The following PSPC1 variants were observed in gnomAD, a reference collection of about 807,000 sequenced individuals.
PSPC1 encodes paraspeckle protein 1.
A neutral mutation model predicts 51.6 loss-of-function variants in PSPC1; 14 were observed. That is an observed-to-expected ratio of 0.27 (90% confidence interval 0.18 to 0.42). PSPC1 has a LOEUF of 0.42. Among genes scored for constraint, PSPC1 ranks in the 10% least tolerant of loss-of-function variants. PSPC1 has a pLI of 1.00. For missense variants in PSPC1, 406 were observed against 701.1 expected (o/e 0.58, Z 4.75); for synonymous variants, 193 against 231.9 (o/e 0.83, Z 1.53).
At chr13:19,743,767 C>T (rs1004205185) in intron 4 of PSPC1, among the ~76,000 whole-genome samples, 2 of 152,090 alleles carry the variant, frequency 1.3e-5, no homozygotes, top group Admixed American at 6.6e-5. Flanking sequence ...TTATTTCGAA[C>T]CTTTATAACA....
intron 6 of PSPC1, among the ~76,000 whole-genome samples, chr13:19,727,651 T>C (rs560971602): frequency 6.6e-6 from 1 of 152,336 alleles, no homozygotes; most frequent in Non-Finnish European, 1.5e-5. Flanking sequence ...ATTTTTCCCA[T>C]AAAGACTGGT....
intron 5 of PSPC1, among the ~76,000 whole-genome samples, chr13:19,736,422 G>T (rs534668521): frequency 4.6e-5 from 7 of 152,144 alleles, no homozygotes; most frequent in Admixed American, 3.3e-4. Context: ...AGTGGCTCAA[G>T]CCTGTAATCC....
intron 6 of PSPC1, among the ~76,000 whole-genome samples, chr13:19,692,556 A>T (rs1878696143): frequency 6.6e-6 from 1 of 152,128 alleles, no homozygotes; most frequent in South Asian, 2.1e-4. Context: ...TACCAGGCGG[A>T]TTTTCCAAAG....
chr13:19,709,546 C>T lies in PSPC1; in HGVS notation c.1212G>A (p.Met404Ile), dbSNP rs375228226. The change falls in exon 7 of 9, where the codon ATG becomes ATA. Residue 404 changes from methionine to isoleucine, a missense_variant. Met to Ile is a conservative substitution (Grantham distance 10). This residue lies in a region of PSPC1 where 61 missense variants were observed against 78.4 expected (regional missense o/e 0.78). Transcript: ENST00000338910. ...CCTTTTGCTTCAAATCCCTACCTCCCATGTTTATTGCTCCACGGGGACCCA... is the reference window on the plus strand; with the variant it reads ...CCTTTTGCTTCAAATCCCTACCTCCTATGTTTATTGCTCCACGGGGACCCA... Reference protein sequence around the residue: ...GDMGPRGAINMGDAFSPAPAG... With the variant: ...GDMGPRGAINIGDAFSPAPAG... 1 of 1,611,740 alleles carries T rather than the reference C, an allele frequency of 6.2e-7. No homozygotes were observed. Among genetic ancestry groups the T allele is most frequent in the African/African-American group, 1.3e-5 (1 of 74,876 alleles).
intron 7 of PSPC1, among the ~76,000 whole-genome samples, chr13:19,709,229 G>A (rs1024187848): frequency 4.0e-5 from 6 of 149,972 alleles, no homozygotes; most frequent in African/African-American, 1.5e-4. Context: ...AGACAGAGCT[G>A]TATTACACAA....
At chr13:19,728,645 T>C (rs1277552931) in intron 6 of PSPC1, among the ~76,000 whole-genome samples, 1 of 152,218 alleles carries the variant, frequency 6.6e-6, no homozygotes, top group African/African-American at 2.4e-5. Context: ...TTCATTCATA[T>C]TGCTTTTAGT....
intron 6 of PSPC1, among the ~76,000 whole-genome samples, chr13:19,680,994 G>C (rs1407407096): frequency 6.6e-6 from 1 of 152,194 alleles, no homozygotes; most frequent in Non-Finnish European, 1.5e-5. Context: ...GACACAGGAG[G>C]ACTGCTTGAG....
intron 6 of PSPC1, among the ~76,000 whole-genome samples, chr13:19,709,937 A>G (rs1391557664): frequency 1.4e-4 from 21 of 152,230 alleles, no homozygotes; most frequent in African/African-American, 4.6e-4. Context: ...TCTAGTAATG[A>G]TAACCACCAG....
At chr13:19,734,484 T>C (rs1223993537) in intron 5 of PSPC1, among the ~76,000 whole-genome samples, 1 of 152,194 alleles carries the variant, frequency 6.6e-6, no homozygotes, top group Non-Finnish European at 1.5e-5. Flanking sequence ...AAGGGCTTTA[T>C]AATAATTCGC....
At position 19,730,273 on chromosome 13, in the gene PSPC1, T is replaced by G. The variant is rs1883880898; in HGVS notation, c.1124A>C (p.Gln375Pro). Residue 375 changes from glutamine (Q) to proline (P), a missense_variant, in exon 6 of 9, where the codon CAG becomes CCG. By Grantham distance (76) the Gln-to-Pro change is moderately conservative (BLOSUM62 -1). Around this residue, in one of 5 missense-constraint regions of PSPC1, gnomAD observed 61 missense variants for 78.4 expected, o/e 0.78. Transcript: ENST00000338910. ...GTAGTTTGGCTTAAAGCCCTCTTGC[T>G]GTCGCCTCAGTTCCTCCTGTTCTCT... ...RHREQEELRR[Q>P]QEGFKPNYME... The G allele has an allele frequency of 6.2e-7, 1 of 1,614,076 alleles. No homozygotes were observed.
At chr13:19,687,197 T>A (rs1877993617) in intron 6 of PSPC1, among the ~76,000 whole-genome samples, 1 of 151,868 alleles carries the variant, frequency 6.6e-6, no homozygotes, top group South Asian at 2.1e-4. Context: ...TAAGACTCCA[T>A]CTCAAAAAAT....
chr13:19,679,922 C>T (rs1877085490), intron 6 of PSPC1, among the ~76,000 whole-genome samples: 1 of 152,210 alleles, frequency 6.6e-6, no homozygotes, highest in East Asian at 1.9e-4. Flanking sequence ...TATGTGAATA[C>T]TCAATTTATA....
chr13:19,672,108 T>TA, downstream of PSPC1: 1 of 551,138 alleles, frequency 1.8e-6, no homozygotes, highest in South Asian at 2.6e-5. Context: ...ACAATGTGGA[T>TA]AGTACATATG....
chr13:19,730,965 C>CAAAA lies in PSPC1; in HGVS notation c.1053-625_1053-622dup, dbSNP rs56753561. Among the ~76,000 whole-genome samples, 138 of 37,316 alleles carry CAAAA rather than the reference C, an allele frequency of 3.7e-3. 3 individuals carry two copies. The highest frequency in any genetic ancestry group is 4.4e-3 in the Non-Finnish European group (71 of 16,124). The allele number at this position is 37,316 out of a possible 152,430, so 24.5% of individuals were successfully genotyped here. A position where few individuals can be genotyped will look rare whatever the true frequency, so the allele number is the denominator to read the frequency against. Reference sequence around the variant, plus strand: ...GTCTCAGAAAAAAAAAACAAAAAAACAAAAAAAAAAAAAACAGAAAAAGTC... The same window carrying CAAAA: ...GTCTCAGAAAAAAAAAACAAAAAAACAAAAAAAAAAAAAAAAAACAGAAAAAGTC... On this transcript the variant is annotated intron_variant, in intron 5 of 8. Transcript: ENST00000338910.
Position 19,772,400 on chromosome 13 carries a change from T to C in PSPC1, c.516A>G (p.Leu172=). The change falls in exon 2 of 9, where the codon CTA becomes CTG. Residue 172 remains leucine (L), a synonymous_variant. Coordinates refer to ENST00000338910, the MANE Select transcript of PSPC1 (RefSeq NM_001354909.2). The part of the protein sequence containing the change: ...NLSPVVSNEL[L]EQAFSQFGPV... ...GACCAAACTGAGAAAATGCTTGCTC[T>C]AGCAGCTCATTGGAAACAACTGGAG... 1 of 1,614,232 alleles carries C rather than the reference T, an allele frequency of 6.2e-7. No homozygotes were observed. Among genetic ancestry groups the C allele is most frequent in the Non-Finnish European group, 8.5e-7 (1 of 1,180,046 alleles).
At chr13:19,746,325 C>A (rs1168656052) in intron 4 of PSPC1, among the ~76,000 whole-genome samples, 4 of 151,658 alleles carry the variant, frequency 2.6e-5, no homozygotes, top group Non-Finnish European at 5.9e-5. Context: ...TCACTTGAAA[C>A]ACAGAGGCAG....
At chr13:19,749,506 G>A (rs1414474337) in intron 4 of PSPC1, among the ~76,000 whole-genome samples, 3 of 144,842 alleles carry the variant, frequency 2.1e-5, no homozygotes, top group Admixed American at 1.4e-4. Context: ...CAGGCTGGGC[G>A]ACAGAGTGAG....
At chr13:19,736,782 G>C (rs1022949772) in intron 5 of PSPC1, among the ~76,000 whole-genome samples, 3 of 152,016 alleles carry the variant, frequency 2.0e-5, no homozygotes, top group South Asian at 2.1e-4. Context: ...TGTGCCTCAC[G>C]AGCTTCCCCT....
At chr13:19,678,930 T>C (rs1876972086) in intron 6 of PSPC1, 1 of 152,262 alleles carries the variant, frequency 6.6e-6, no homozygotes, top group Admixed American at 6.5e-5. Context: ...CTAGTTGTAT[T>C]TTTTGTAGAG....
Sources: gnomAD v4.1 joint callset for allele counts (sites outside exome capture counted in the v4.1 genomes callset) on GRCh38, gnomAD v4.1.1 for gene constraint, gnomAD v4.1.1 regional missense constraint, MANE v1.5 for transcripts, NCBI Gene and HGNC (gene_info 2026-07-23, HGNC 2026-07-21) for gene names.